EPB41L1: variants seen among roughly 807,000 people sequenced by gnomAD.
EPB41L1 encodes the protein erythrocyte membrane protein band 4.1 like 1, also known as band 4.1-like protein 1.
EPB41L1 carries 29 observed loss-of-function variants against 97.8 expected under a neutral mutation model. That is an observed-to-expected ratio of 0.30 (90% CI 0.22 to 0.40). The LOEUF (loss-of-function observed/expected upper bound fraction) is 0.40, where lower values mean the gene tolerates loss of function less well. EPB41L1 is among the 10% of genes least tolerant of loss of function. The probability of loss-of-function intolerance (pLI) is 1.00; values close to 1 mark genes in which losing one functional copy is unlikely to be tolerated. For synonymous variants in EPB41L1, 383 were observed against 459.2 expected (o/e 0.83, Z 2.12); for missense variants, 812 against 1,162.3 (o/e 0.70, Z 4.38).
chr20:36,135,854 A>G (rs949828417), intron 2 of EPB41L1, among the ~76,000 whole-genome samples: 1 of 152,186 alleles, frequency 6.6e-6, no homozygotes, highest in Non-Finnish European at 1.5e-5. Context: ...AGGCCTGTTC[A>G]GTGATTATCA....
intron 1 of EPB41L1, among the ~76,000 whole-genome samples, chr20:36,098,207 T>C (rs761530617): frequency 1.3e-5 from 2 of 152,178 alleles, no homozygotes; most frequent in African/African-American, 2.4e-5. Context: ...TGACTTCTCA[T>C]GAGGAGCCTC....
chr20:36,131,680 C>T (rs191373840), intron 2 of EPB41L1, among the ~76,000 whole-genome samples: 70 of 152,206 alleles, frequency 4.6e-4, no homozygotes, highest in African/African-American at 1.4e-3. Context: ...TGAAATACTA[C>T]GGTAAGCCAG....
At position 36,221,723 on chromosome 20, in the gene EPB41L1, G is replaced by C. The variant is rs1224687632; in HGVS notation, c.2440-141G>C. ...CAGTTCAAAGTCCAAAATCAGAAAAGAAAAAATCTGAGGAAGTCAGGAGAG... is the reference window on the plus strand; with the variant it reads ...CAGTTCAAAGTCCAAAATCAGAAAACAAAAAATCTGAGGAAGTCAGGAGAG... On this transcript the variant is annotated intron_variant, in intron 19 of 21. Transcript: ENST00000338074. 64 of 764,596 alleles carry C rather than the reference G, an allele frequency of 8.4e-5. No homozygotes were observed. In the Middle Eastern group the frequency reaches 4.2e-3, roughly 50 times the overall value. The allele number at this position is 764,596 out of a possible 1,614,324, so 47.4% of individuals were successfully genotyped here. A position where few individuals can be genotyped will look rare whatever the true frequency, so the allele number is the denominator to read the frequency against.
intron 17 of EPB41L1, among the ~76,000 whole-genome samples, chr20:36,216,828 AAGGGGTC>A (rs754066770): frequency 1.5e-4 from 23 of 152,066 alleles, no homozygotes; most frequent in Admixed American, 6.6e-5. Flanking sequence ...GGATGCAGAG[AAGGGGTC>A]AGGGTTAAGG....
intron 2 of EPB41L1, among the ~76,000 whole-genome samples, chr20:36,129,573 G>A (rs553916545): frequency 1.3e-5 from 2 of 152,020 alleles, no homozygotes; most frequent in South Asian, 2.1e-4. Flanking sequence ...CACTGCTCCC[G>A]AAGCACTCCC....
chr20:36,133,018 C>T (rs1055736551), intron 2 of EPB41L1, among the ~76,000 whole-genome samples: 4 of 152,214 alleles, frequency 2.6e-5, no homozygotes, highest in Non-Finnish European at 5.9e-5. Flanking sequence ...TGAAAAAGGT[C>T]CTTTCTGCTC....
intron 2 of EPB41L1, among the ~76,000 whole-genome samples, chr20:36,118,317 C>T (rs2058649808): frequency 6.6e-6 from 1 of 151,440 alleles, no homozygotes; most frequent in African/African-American, 2.4e-5. Context: ...AAGATCGAGC[C>T]ACTGCACTCC....
At chr20:36,156,460 G>A (rs996782848) in intron 1 of EPB41L1, among the ~76,000 whole-genome samples, 3 of 152,208 alleles carry the variant, frequency 2.0e-5, no homozygotes, top group South Asian at 2.1e-4. Context: ...GTTGAACGGG[G>A]CCTAGAGAGT....
At chr20:36,139,740 AT>A (rs1555839777) in intron 2 of EPB41L1, among the ~76,000 whole-genome samples, 1 of 151,762 alleles carries the variant, frequency 6.6e-6, no homozygotes, top group South Asian at 2.1e-4. Flanking sequence ...TTATTTATTT[AT>A]TTTTTTTAAG....
intron 2 of EPB41L1, among the ~76,000 whole-genome samples, chr20:36,135,870 A>G (rs1191133956): frequency 6.6e-6 from 1 of 152,076 alleles, no homozygotes; most frequent in Non-Finnish European, 1.5e-5. Context: ...TATCAGGACA[A>G]CCCCTCGGTA....
chr20:36,178,240 G>C (rs1479416007), intron 4 of EPB41L1, among the ~76,000 whole-genome samples, 184 bp downstream of exon 4: 2 of 152,176 alleles, frequency 1.3e-5, no homozygotes, highest in African/African-American at 4.8e-5. Context: ...TGACATACAG[G>C]TCACCCCCAG....
chr20:36,107,461 C>T (rs532679820), intron 1 of EPB41L1, among the ~76,000 whole-genome samples: 184 of 151,476 alleles, frequency 1.2e-3, no homozygotes, highest in African/African-American at 4.2e-3. Context: ...CCTCATGATC[C>T]ACCTGCCTTG....
chr20:36,154,822 G>GCGGC lies in EPB41L1; in HGVS notation c.-87_-84dup, dbSNP rs2060220485. The GCGGC allele has an allele frequency of 6.0e-6, 6 of 992,588 alleles. No homozygotes were observed. The highest frequency in any genetic ancestry group is 6.0e-6 in the Non-Finnish European group (5 of 834,432). 61.5% of individuals were successfully genotyped at this position (992,588 alleles called of 1,614,324 possible). A position where few individuals can be genotyped will look rare whatever the true frequency, so the allele number is the denominator to read the frequency against. ...CCGCGACCCCGCGCCGCCCCGCCCC[G>GCGGC]CGGCCTGCCTGCCAGAGGAGCCGAG... On this transcript the variant is annotated 5_prime_UTR_variant, in exon 1 of 22. Transcript: ENST00000338074. The surrounding 1 kb of genome is among the most constrained non-coding windows in gnomAD (Gnocchi z 5.5).
At chr20:36,102,796 G>A (rs1601220246) in intron 1 of EPB41L1, among the ~76,000 whole-genome samples, 1 of 152,010 alleles carries the variant, frequency 6.6e-6, no homozygotes, top group Non-Finnish European at 1.5e-5. Context: ...CTCCCTTTCC[G>A]TCCCCACTCA....
rs2064403920 is a variant in EPB41L1, at chr20:36,229,738, A to C, written c.*398A>C. The C allele has an allele frequency of 6.0e-6, 1 of 165,434 alleles. No individual in the cohort carries two copies. Among genetic ancestry groups the C allele is most frequent in the Non-Finnish European group, 1.3e-5 (1 of 75,978 alleles). 10.2% of individuals were successfully genotyped at this position (165,434 alleles called of 1,614,324 possible). On this transcript the variant is annotated 3_prime_UTR_variant, in exon 22 of 22. Coordinates refer to ENST00000338074, the MANE Select transcript of EPB41L1 (RefSeq NM_012156.2). Reference sequence around the variant, plus strand: ...GCAAGCCAGACCACGATGATTGTAGAAGTCCCTCCCGCCCTGGTTCTGCAC... The same window carrying C: ...GCAAGCCAGACCACGATGATTGTAGCAGTCCCTCCCGCCCTGGTTCTGCAC...
At chr20:36,100,661 G>A (rs1215995522) in intron 1 of EPB41L1, among the ~76,000 whole-genome samples, 1 of 152,194 alleles carries the variant, frequency 6.6e-6, no homozygotes, top group Non-Finnish European at 1.5e-5. Context: ...GGCACAGCTG[G>A]GATTTCAATC....
chr20:36,173,956 T>C lies in EPB41L1; in HGVS notation c.177+2T>C. ...CAGGACACGCGGCCTGCTGAACAGG[T>C]GTGTGCCCGAGAGCATGGGCGTACC... On this transcript the variant is annotated splice_donor_variant, in intron 2 of 21. Transcript: ENST00000338074. LOFTEE classifies it high-confidence loss of function. The C allele has an allele frequency of 6.2e-7, 1 of 1,611,416 alleles. No individual in the cohort carries two copies. Among genetic ancestry groups the C allele is most frequent in the Non-Finnish European group, 8.5e-7 (1 of 1,178,800 alleles).
At chr20:36,154,417 GC>G (rs961227604), upstream of EPB41L1, among the ~76,000 whole-genome samples, 4 of 151,848 alleles carry the variant, frequency 2.6e-5, no homozygotes, top group Admixed American at 2.6e-4. This position sits in a 1 kb window ranked among gnomAD's most constrained non-coding sequence, Gnocchi z 5.5. Context: ...CGCTCGAGAG[GC>G]CCCCCAGCTG....
chr20:36,209,898 G>A lies in EPB41L1; in HGVS notation c.2079G>A (p.Glu693=). The change falls in exon 15 of 22, where the codon GAG becomes GAA. Residue 693 remains glutamate, a splice_region_variant and synonymous_variant. Transcript: ENST00000338074. The surrounding 1 kb of genome is among the most constrained non-coding windows in gnomAD (Gnocchi z 4.2). ...ACSTPDMPQF[E]PVKTETMTVS... ...CCACCCCGGATATGCCCCAGTTTGA[G>A]GTACAGTGGAGCTTCCTCAAGAGCC... 1 of 1,613,100 alleles carries A rather than the reference G, an allele frequency of 6.2e-7. No homozygotes were observed.
Sources: allele counts gnomAD v4.1 joint callset (sites outside exome capture counted in the v4.1 genomes callset), GRCh38; gene constraint gnomAD v4.1.1; non-coding constraint Gnocchi (gnomAD v3.1); transcripts MANE v1.5; gene names NCBI Gene and HGNC (gene_info 2026-07-23, HGNC 2026-07-21).